TRPM3: variants seen among roughly 807,000 people sequenced by gnomAD.
The protein encoded by TRPM3 is long transient receptor potential channel 3.
In TRPM3, 77 loss-of-function variants were observed where a neutral mutation model predicts 181.2. The observed-to-expected ratio is 0.42, with a 90% CI of 0.35 to 0.51. TRPM3 has a LOEUF of 0.51. TRPM3 is among the 20% of genes least tolerant of loss of function. TRPM3 has a pLI of 0.01. For synonymous variants in TRPM3, 745 were observed against 796.4 expected (o/e 0.94, Z 1.09); for missense variants, 1,759 against 2,196.7 (o/e 0.80, Z 3.98).
At chr9:70,960,666 G>A (rs2133816319) in intron 1 of TRPM3, among the ~76,000 whole-genome samples, 1 of 152,262 alleles carries the variant, frequency 6.6e-6, no homozygotes, top group East Asian at 1.9e-4. Flanking sequence ...AACAAGCTGA[G>A]GCTGTATTTA....
intron 9 of TRPM3, among the ~76,000 whole-genome samples, chr9:70,656,608 G>A (rs2060377211): frequency 6.6e-6 from 1 of 152,122 alleles, no homozygotes; most frequent in African/African-American, 2.4e-5. Flanking sequence ...TGTAAATGAT[G>A]ACTATTGAAA....
chr9:70,589,967 C>T (rs2057839923), intron 22 of TRPM3, among the ~76,000 whole-genome samples: 1 of 152,156 alleles, frequency 6.6e-6, no homozygotes, highest in African/African-American at 2.4e-5. Flanking sequence ...TAACTAGTCT[C>T]TGCTCCTGCT....
chr9:70,899,033 G>A (rs576463301), intron 1 of TRPM3, among the ~76,000 whole-genome samples: 1 of 152,346 alleles, frequency 6.6e-6, no homozygotes, highest in African/African-American at 2.4e-5. Context: ...GAAAGGAACT[G>A]AAGCCAAGGC....
At chr9:70,974,987 T>G (rs1315512229) in intron 1 of TRPM3, among the ~76,000 whole-genome samples, 1 of 150,734 alleles carries the variant, frequency 6.6e-6, no homozygotes, top group African/African-American at 2.4e-5. Flanking sequence ...CCTTCCTCAG[T>G]CTCCCAAGTA....
At chr9:70,766,523 A>T (rs1271066093) in intron 7 of TRPM3, among the ~76,000 whole-genome samples, 1 of 117,086 alleles carries the variant, frequency 8.5e-6, no homozygotes, top group Non-Finnish European at 1.8e-5. Flanking sequence ...TGTTAATAAC[A>T]CCACAATTTG....
At chr9:70,941,374 G>A (rs546856445) in intron 1 of TRPM3, among the ~76,000 whole-genome samples, 63 of 152,286 alleles carry the variant, frequency 4.1e-4, no homozygotes, top group Admixed American at 7.2e-4. Flanking sequence ...ACTTACACCA[G>A]TGATTTGCCA....
In TRPM3 at chr9:70,610,729, G is replaced by A. The variant is rs376967290; in HGVS notation, c.2547C>T (p.Asn849=). Residue 849 remains asparagine, a synonymous_variant, in exon 19 of 26, where the codon AAC becomes AAT. Transcript: ENST00000677713. ...MELTAMLGRN[N]GESSRKKDEE... is the part of the protein sequence containing the mutation. The stretch of plus-strand genomic sequence containing the variant: ...CATCCTTCTTCCTGGAGGACTCCCC[G>A]TTGTTTCGTCCCAACATTGCCTATG... 28 of 1,614,098 alleles carry A rather than the reference G, an allele frequency of 1.7e-5. No individual in the cohort carries two copies. The African/African-American group carries it at 2.5e-4, about 15-fold the overall frequency.
intron 1 of TRPM3, among the ~76,000 whole-genome samples, chr9:71,032,342 G>A (rs1382347413): frequency 6.7e-6 from 1 of 150,014 alleles, no homozygotes; most frequent in African/African-American, 2.5e-5. Flanking sequence ...AAGAGAGCAT[G>A]ATGAAAGATC....
chr9:71,180,083 TCA>T (rs1193997855), intron 1 of TRPM3, among the ~76,000 whole-genome samples: 1 of 123,272 alleles, frequency 8.1e-6, no homozygotes, highest in Admixed American at 1.0e-4. Flanking sequence ...AGACAGAGTT[TCA>T]CTCTCATTAC....
rs1565557425 is a variant in TRPM3 at position 71,420,789 on chromosome 9, G to GAGAGAGAA, written c.183+25856_183+25863dup. 2.2e-3 allele frequency among the ~76,000 whole-genome samples: 95 copies of GAGAGAGAA among 44,084 alleles called. 9 individuals carry two copies. The highest frequency in any genetic ancestry group is 9.8e-3 in the African/African-American group (94 of 9,600). The allele number at this position is 44,084 out of a possible 152,430, so 28.9% of individuals were successfully genotyped here. Reference sequence around the variant, plus strand: ...AGAAAGAGAGAGAAAGAGAGAGAAAGAGAGAGAAAGAAAGAGAGAAAGAAA... The same window carrying GAGAGAGAA: ...AGAAAGAGAGAGAAAGAGAGAGAAAGAGAGAGAAAGAGAGAAAGAAAGAGAGAAAGAAA... On this transcript the variant is annotated intron_variant, in intron 1 of 24. Coordinates refer to the TRPM3 transcript ENST00000357533.
chr9:71,082,974 T>C (rs2064627106), intron 1 of TRPM3, among the ~76,000 whole-genome samples: 1 of 152,114 alleles, frequency 6.6e-6, no homozygotes, highest in Non-Finnish European at 1.5e-5. Context: ...GAGATTGATA[T>C]GGAGATTTCT....
intron 8 of TRPM3, among the ~76,000 whole-genome samples, chr9:70,740,983 T>G (rs949520675): frequency 9.9e-5 from 15 of 152,146 alleles, no homozygotes; most frequent in Non-Finnish European, 5.9e-5. Flanking sequence ...CTAAAAAGCT[T>G]TTGCACAGCA....
In TRPM3 at chr9:70,628,818, T is replaced by TAAA. The variant is rs10699305; in HGVS notation, c.1633-3304_1633-3302dup. Among the ~76,000 whole-genome samples, 281 of 89,530 alleles carry TAAA rather than the reference T, an allele frequency of 3.1e-3. 1 individual carries two copies. Among genetic ancestry groups the TAAA allele is most frequent in the African/African-American group, 9.4e-3 (240 of 25,548 alleles). The allele number at this position is 89,530 out of a possible 152,430, so 58.7% of individuals were successfully genotyped here. A position where few individuals can be genotyped will look rare whatever the true frequency, so the allele number is the denominator to read the frequency against. On this transcript the variant is annotated intron_variant, in intron 12 of 25. Transcript: ENST00000677713. ...TGGGCGACAGAGCAAGACTCTGTCT[T>TAAA]AAAAAAAAAAAAAAAAAAAAAAAAT...
rs965611288 is a variant in TRPM3, at chr9:70,531,193, C to G, written c.*4760G>C. The G allele has an allele frequency of 1.3e-5, 2 of 152,214 alleles. No homozygotes were observed. The highest frequency in any genetic ancestry group is 4.8e-5 in the African/African-American group (2 of 41,454). 9.4% of individuals were successfully genotyped at this position (152,214 alleles called of 1,614,324 possible). A position where few individuals can be genotyped will look rare whatever the true frequency, so the allele number is the denominator to read the frequency against. ...TATCACAGATGCACAACACCTAGAC[C>G]TTGGCAGACCCAAGAGGTGTTGGCT... On this transcript the variant is annotated 3_prime_UTR_variant, in exon 26 of 26. Coordinates refer to ENST00000677713, the MANE Select transcript of TRPM3 (RefSeq NM_001366145.2).
chr9:70,803,636 A>G (rs142016010), intron 6 of TRPM3, among the ~76,000 whole-genome samples: 3,700 of 151,524 alleles, frequency 0.024, 138 homozygotes, highest in African/African-American at 0.084. Context: ...ATTTTTAGCA[A>G]AGACGGGGTT....
chr9:70,584,321 C>T (rs1056321644), intron 22 of TRPM3, among the ~76,000 whole-genome samples: 5 of 152,126 alleles, frequency 3.3e-5, no homozygotes, highest in Admixed American at 1.3e-4. Context: ...ATTGTGGTTC[C>T]GAGGCAATGT....
intron 1 of TRPM3, among the ~76,000 whole-genome samples, chr9:71,106,605 A>C (rs1277090042): frequency 6.6e-6 from 1 of 152,168 alleles, no homozygotes; most frequent in Admixed American, 6.5e-5. Context: ...TCTTCTCTTC[A>C]TAAATTACCC....
At chr9:71,104,967 C>T (rs1339236793) in intron 1 of TRPM3, among the ~76,000 whole-genome samples, 2 of 152,156 alleles carry the variant, frequency 1.3e-5, no homozygotes, top group Non-Finnish European at 2.9e-5. Flanking sequence ...ACTCTATAAT[C>T]CAGCAATTCT....
intron 6 of TRPM3, among the ~76,000 whole-genome samples, chr9:70,822,759 TTGTGTGTGTGTGTGTG>T (rs113090222): frequency 2.7e-5 from 4 of 147,210 alleles, no homozygotes; most frequent in South Asian, 2.2e-4. Context: ...AAGATTTGTC[TTGTGTGTGTGTGTGTG>T]TGTGTGTGTG....
Sources: gnomAD v4.1 joint callset for allele counts (sites outside exome capture counted in the v4.1 genomes callset) on GRCh38, gnomAD v4.1.1 for gene constraint, MANE v1.5 for transcripts, NCBI Gene and HGNC (gene_info 2026-07-23, HGNC 2026-07-21) for gene names.